The following CNBD1 variants were observed in gnomAD, a reference collection of about 807,000 sequenced individuals.
CNBD1 encodes the protein cyclic nucleotide-binding domain-containing protein 1.
Under a neutral mutation model 54.4 loss-of-function variants are expected in CNBD1, and 71 were observed. The observed-to-expected ratio is 1.30, with a 90% CI of 1.08 to 1.59. CNBD1 has a LOEUF of 1.59. CNBD1 is among the 40% of genes most tolerant of loss of function. The probability of loss-of-function intolerance (pLI) is 0.00; values close to 1 mark genes in which losing one functional copy is unlikely to be tolerated. For missense variants in CNBD1, 659 were observed against 518.0 expected (o/e 1.27, Z -2.64); for synonymous variants, 182 against 170.7 (o/e 1.07, Z -0.51).
At chr8:86,951,234 G>GTTTT (rs1807610187) in intron 4 of CNBD1, among the ~76,000 whole-genome samples, 1 of 151,974 alleles carries the variant, frequency 6.6e-6, no homozygotes, top group African/African-American at 2.4e-5. Flanking sequence ...TTAATATCAG[G>GTTTT]TAAAAGTACA....
intron 1 of CNBD1, among the ~76,000 whole-genome samples, chr8:86,883,463 G>A (rs13269825): frequency 0.48 from 73,100 of 151,886 alleles, 17,836 homozygotes; most frequent in East Asian, 0.56. Context: ...TGCAAAAAGA[G>A]GATCTAAGCT....
chr8:87,304,608 C>T (rs1809101853), intron 8 of CNBD1, among the ~76,000 whole-genome samples: 2 of 151,982 alleles, frequency 1.3e-5, no homozygotes, highest in Non-Finnish European at 2.9e-5. Context: ...GCACCTTGTG[C>T]AAATGTACCC....
chr8:87,372,735 A>G (rs950210484), intron 10 of CNBD1, among the ~76,000 whole-genome samples: 1 of 151,840 alleles, frequency 6.6e-6, no homozygotes, highest in African/African-American at 2.4e-5. Context: ...TTATGTGGCA[A>G]CGTTCTTAAT....
At chr8:87,053,205 C>A (rs373140859) in intron 4 of CNBD1, among the ~76,000 whole-genome samples, 3 of 152,314 alleles carry the variant, frequency 2.0e-5, no homozygotes, top group South Asian at 2.1e-4. Context: ...ACAAAGAAAG[C>A]CAGTACATAG....
chr8:87,138,075 G>T (rs1244681004), intron 4 of CNBD1, among the ~76,000 whole-genome samples: 1 of 152,116 alleles, frequency 6.6e-6, no homozygotes, highest in Non-Finnish European at 1.5e-5. Flanking sequence ...TTCCCTGATA[G>T]TTACCAGATA....
Position 87,255,794 on chromosome 8 carries a change from A to C in CNBD1, c.771+18682A>C, listed in dbSNP as rs1008613152. On this transcript the variant is annotated intron_variant, in intron 6 of 10. Transcript: ENST00000518476. Reference sequence around the variant, plus strand: ...TAGCCTTCTGGGTCTCATTTTTCTTATTTTTTAAAATGACTATTTTAACAA... The same window carrying C: ...TAGCCTTCTGGGTCTCATTTTTCTTCTTTTTTAAAATGACTATTTTAACAA... Among the ~76,000 whole-genome samples the C allele has an allele frequency of 1.5e-4, 23 of 150,452 alleles. 2 individuals carry two copies. Among genetic ancestry groups the C allele is most frequent in the Admixed American group, 1.3e-3 (20 of 15,002 alleles).
chr8:87,100,030 G>C (rs1290548969), intron 4 of CNBD1, among the ~76,000 whole-genome samples: 2 of 152,172 alleles, frequency 1.3e-5, no homozygotes, highest in Non-Finnish European at 2.9e-5. Flanking sequence ...GAAGTGTCCA[G>C]TTAGGTAAGA....
At chr8:87,138,899 A>G (rs1339081372) in intron 4 of CNBD1, among the ~76,000 whole-genome samples, 2 of 152,214 alleles carry the variant, frequency 1.3e-5, no homozygotes, top group Non-Finnish European at 2.9e-5. Flanking sequence ...CTTAAAAGGC[A>G]AATTAACTAT....
chr8:87,322,267 T>C (rs1809553568), intron 8 of CNBD1, among the ~76,000 whole-genome samples: 1 of 123,924 alleles, frequency 8.1e-6, no homozygotes, highest in African/African-American at 3.0e-5. Context: ...TAAACATACG[T>C]GTGCATGTGT....
intron 4 of CNBD1, among the ~76,000 whole-genome samples, chr8:87,064,572 CA>C (rs998869028): frequency 4.6e-5 from 7 of 151,706 alleles, no homozygotes; most frequent in African/African-American, 4.8e-5. Context: ...GTCAATATTA[CA>C]TTTTTTTGAC....
At chr8:87,183,978 T>C (rs553875328) in intron 4 of CNBD1, among the ~76,000 whole-genome samples, 1 of 152,256 alleles carries the variant, frequency 6.6e-6, no homozygotes, top group East Asian at 1.9e-4. Flanking sequence ...AGCACTGCAG[T>C]AGAATGGCAG....
At chr8:87,404,924 C>A (rs562933150) in intron 2 of CNBD1, among the ~76,000 whole-genome samples, 1 of 151,956 alleles carries the variant, frequency 6.6e-6, no homozygotes, top group Non-Finnish European at 1.5e-5. Context: ...TCTGTATGTA[C>A]GTATCTAGGC....
intron 5 of CNBD1, among the ~76,000 whole-genome samples, chr8:87,209,866 T>G (rs556934572): frequency 6.6e-6 from 1 of 152,278 alleles, no homozygotes; most frequent in Admixed American, 6.5e-5. Flanking sequence ...CCAAATCTTA[T>G]CTTGAATTGC....
chr8:87,111,316 A>T (rs1055415839), intron 4 of CNBD1, among the ~76,000 whole-genome samples: 3 of 152,226 alleles, frequency 2.0e-5, no homozygotes, highest in Admixed American at 6.5e-5. Context: ...AGAAAATTTT[A>T]AAAAACTTAG....
chr8:87,362,017 A>C (rs1213817907), intron 10 of CNBD1, among the ~76,000 whole-genome samples: 2 of 152,092 alleles, frequency 1.3e-5, no homozygotes, highest in Admixed American at 6.6e-5. Flanking sequence ...TTGTTTAAGA[A>C]TGTCTGTCAT....
At chr8:86,986,823 G>T (rs1403932281) in intron 4 of CNBD1, among the ~76,000 whole-genome samples, 1 of 151,810 alleles carries the variant, frequency 6.6e-6, no homozygotes, top group Non-Finnish European at 1.5e-5. Context: ...CCTGGTTGTA[G>T]ATGTACAGCT....
chr8:87,131,945 A>G (rs951417756), intron 4 of CNBD1, among the ~76,000 whole-genome samples: 1 of 151,990 alleles, frequency 6.6e-6, no homozygotes, highest in African/African-American at 2.4e-5. Context: ...TTGTTTCAAG[A>G]CTGACTTTGT....
chr8:87,021,844 T>A (rs1462651844), intron 4 of CNBD1, among the ~76,000 whole-genome samples: 1 of 152,182 alleles, frequency 6.6e-6, no homozygotes, highest in Non-Finnish European at 1.5e-5. Flanking sequence ...CTCAAATTAG[T>A]AGGCATTATG....
chr8:87,365,832 T>C (rs1221359677), intron 10 of CNBD1, among the ~76,000 whole-genome samples: 1 of 152,066 alleles, frequency 6.6e-6, no homozygotes, highest in Non-Finnish European at 1.5e-5. Context: ...TATTGAATAA[T>C]TACAACTCAC....
Sources: gnomAD v4.1 joint callset for allele counts (sites outside exome capture counted in the v4.1 genomes callset) on GRCh38, gnomAD v4.1.1 for gene constraint, MANE v1.5 for transcripts, NCBI Gene and HGNC (gene_info 2026-07-23, HGNC 2026-07-21) for gene names.